Variants in BBS9 observed in about 807,000 individuals in gnomAD.
The protein encoded by BBS9 is Bardet-Biedl syndrome 9.
BBS9 carries 89 observed loss-of-function variants against 117.7 expected under a neutral mutation model. The ratio of observed to expected loss-of-function variants is 0.76; its 90% CI spans 0.64 to 0.90. The LOEUF (loss-of-function observed/expected upper bound fraction) is 0.90, where lower values mean the gene tolerates loss of function less well. Among genes scored for constraint, BBS9 ranks in the 40% least tolerant of loss-of-function variants. The pLI is 0.00. For missense variants in BBS9, 982 were observed against 1,042.2 expected, an observed-to-expected ratio of 0.94 and a Z score of 0.80; for synonymous variants, 379 against 370.9, an observed-to-expected ratio of 1.02 and a Z score of -0.25.
chr7:33,349,217 TA>T, intron 13 of BBS9, 47 bp downstream of exon 13: 2 of 1,359,918 alleles, frequency 1.5e-6, no homozygotes, highest in East Asian at 4.6e-5. Flanking sequence ...GTGAATTTTT[TA>T]AAAATACTAG....
chr7:33,610,488 C>T (rs190672340), downstream of BBS9, among the ~76,000 whole-genome samples: 12 of 152,114 alleles, frequency 7.9e-5, no homozygotes, highest in East Asian at 1.6e-3. Flanking sequence ...CTGTTCTTTG[C>T]GTGGCAGAAG....
At chr7:33,513,170 C>T (rs1847223050) in intron 20 of BBS9, among the ~76,000 whole-genome samples, 1 of 152,336 alleles carries the variant, frequency 6.6e-6, no homozygotes, top group Non-Finnish European at 1.5e-5. Context: ...CATGGGTACA[C>T]AGCTTCTTCC....
At chr7:33,335,543 A>T (rs1281655420) in intron 9 of BBS9, among the ~76,000 whole-genome samples, 5 of 152,154 alleles carry the variant, frequency 3.3e-5, no homozygotes, top group African/African-American at 4.8e-5. Context: ...CTTAGGGAGG[A>T]AGCAAATACA....
intron 21 of BBS9, among the ~76,000 whole-genome samples, chr7:33,581,243 G>A (rs1290511549): frequency 1.3e-5 from 2 of 152,114 alleles, no homozygotes; most frequent in East Asian, 3.8e-4. Flanking sequence ...TCAAAAATAA[G>A]TAGTTTTTCT....
chr7:33,332,838 T>A (rs959101523), intron 9 of BBS9, among the ~76,000 whole-genome samples: 1 of 152,230 alleles, frequency 6.6e-6, no homozygotes, highest in Non-Finnish European at 1.5e-5. Flanking sequence ...TGTGTTTTTT[T>A]AAATTGTGGT....
chr7:33,256,335 G>A (rs1403522451), intron 5 of BBS9, among the ~76,000 whole-genome samples: 1 of 152,184 alleles, frequency 6.6e-6, no homozygotes, highest in Admixed American at 6.5e-5. Context: ...TGGTTCAGAT[G>A]TATGTTTAGT....
chr7:33,600,692 A>G lies in BBS9; in HGVS notation c.2522-4173A>G, dbSNP rs572350854. On this transcript the variant is annotated intron_variant, in intron 21 of 22. Transcript: ENST00000242067. The stretch of plus-strand genomic sequence containing the variant: ...CATGGGGCTCAGAAAATGAGGACAC[A>G]GTAGCTACCCACAGCCTCAATGCCT... Among the ~76,000 whole-genome samples the G allele has an allele frequency of 9.6e-4, 146 of 152,310 alleles. 1 individual carries two copies. The Middle Eastern group carries it at 0.01, about 11-fold the overall frequency.
intron 19 of BBS9, among the ~76,000 whole-genome samples, chr7:33,423,814 G>A (rs907216055): frequency 1.6e-4 from 25 of 152,194 alleles, no homozygotes; most frequent in Non-Finnish European, 2.2e-4. Context: ...GCCACCAGGG[G>A]GTAGCCATGA....
At chr7:33,391,684 T>C (rs1309050354) in intron 19 of BBS9, among the ~76,000 whole-genome samples, 1 of 152,238 alleles carries the variant, frequency 6.6e-6, no homozygotes, top group East Asian at 1.9e-4. Flanking sequence ...TATGTACACA[T>C]TTTGTTTAAT....
intron 19 of BBS9, among the ~76,000 whole-genome samples, chr7:33,479,052 G>A (rs1842177169): frequency 1.3e-5 from 2 of 152,130 alleles, no homozygotes; most frequent in African/African-American, 2.4e-5. Context: ...AAAGTAGCAA[G>A]CAGTTCTGTC....
At chr7:33,342,441 A>T (rs772719728) in intron 11 of BBS9, among the ~76,000 whole-genome samples, 5 of 152,080 alleles carry the variant, frequency 3.3e-5, no homozygotes, top group Non-Finnish European at 7.4e-5. Flanking sequence ...TCTCTTCAAC[A>T]TAGGCTATTT....
At chr7:33,187,899 G>T (rs1335855322) in intron 5 of BBS9, among the ~76,000 whole-genome samples, 1 of 152,042 alleles carries the variant, frequency 6.6e-6, no homozygotes, top group Non-Finnish European at 1.5e-5. Context: ...TCCAGCCTGG[G>T]CGACAGAGCG....
chr7:33,621,670 T>G (rs927817964), intron 21 of BBS9, among the ~76,000 whole-genome samples: 1 of 152,080 alleles, frequency 6.6e-6, no homozygotes, highest in Non-Finnish European at 1.5e-5. Flanking sequence ...CATCCAGCAA[T>G]CCCACCATAT....
intron 5 of BBS9, among the ~76,000 whole-genome samples, chr7:33,256,405 T>C (rs568011297): frequency 6.6e-6 from 1 of 152,316 alleles, no homozygotes; most frequent in African/African-American, 2.4e-5. Flanking sequence ...TTAAGGTTGA[T>C]AAATCTATTG....
downstream of BBS9, among the ~76,000 whole-genome samples, chr7:33,608,771 T>G (rs571441921): frequency 2.0e-3 from 305 of 152,276 alleles, no homozygotes; most frequent in African/African-American, 7.1e-3. Flanking sequence ...CTTTGTTGGG[T>G]GCATAGTTTG....
intron 17 of BBS9, among the ~76,000 whole-genome samples, chr7:33,368,918 G>A (rs1014556266): frequency 6.6e-6 from 1 of 151,952 alleles, no homozygotes. Context: ...CTCAATAATA[G>A]GTCACAGAAA....
intron 2 of BBS9, among the ~76,000 whole-genome samples, chr7:33,151,850 C>CTT (rs11346140): frequency 0.099 from 8,159 of 82,284 alleles, 954 homozygotes; most frequent in Non-Finnish European, 0.16. Flanking sequence ...TGCACCCAGC[C>CTT]TTTTTTTTTT....
intron 19 of BBS9, among the ~76,000 whole-genome samples, chr7:33,481,440 G>A (rs2128975095): frequency 6.6e-6 from 1 of 152,218 alleles, no homozygotes; most frequent in East Asian, 1.9e-4. Flanking sequence ...GGTCAGTGAA[G>A]AAATACAACT....
At chr7:33,581,672 C>A (rs555315586) in intron 21 of BBS9, among the ~76,000 whole-genome samples, 1 of 152,112 alleles carries the variant, frequency 6.6e-6, no homozygotes, top group Non-Finnish European at 1.5e-5. Context: ...GTTCAAAAGC[C>A]TTGCTGGTTC....
Sources: gnomAD v4.1 joint callset for allele counts (sites outside exome capture counted in the v4.1 genomes callset) on GRCh38, gnomAD v4.1.1 for gene constraint, MANE v1.5 for transcripts, NCBI Gene and HGNC (gene_info 2026-07-23, HGNC 2026-07-21) for gene names.